Variants in TMEM74 observed in about 807,000 individuals in gnomAD.
The protein encoded by TMEM74 is transmembrane protein 74.
A neutral mutation model predicts 18.1 loss-of-function variants in TMEM74; 13 were observed. The ratio of observed to expected loss-of-function variants is 0.72; its 90% confidence interval spans 0.47 to 1.14. The LOEUF is 1.14. TMEM74 is among the 50% of genes most tolerant of loss of function. TMEM74 has a pLI of 0.00. For synonymous variants in TMEM74, 159 were observed against 146.6 expected, an observed-to-expected ratio of 1.08 and a Z score of -0.61; for missense variants, 372 against 375.9, an observed-to-expected ratio of 0.99 and a Z score of 0.09.
intron 1 of TMEM74, among the ~76,000 whole-genome samples, chr8:108,693,269 A>G (rs1415359105): frequency 6.6e-6 from 1 of 152,086 alleles, no homozygotes. Flanking sequence ...GGAGTAAGAA[A>G]GAAGTAAAAT....
At position 108,655,906 on chromosome 8, in the gene TMEM74, C is replaced by T. The variant is rs528443907; in HGVS notation, n.120-469G>A. 5.1e-4 allele frequency among the ~76,000 whole-genome samples: 78 copies of T among 152,212 alleles called. 1 individual carries two copies. The highest frequency in any genetic ancestry group is 1.9e-3 in the African/African-American group (77 of 41,526). ...GAAAGTATCATTATTGAGATAATAT[C>T]ATTTTGAGCATCCAGGATTTTGGAA... On this transcript the variant is annotated intron_variant and non_coding_transcript_variant, in intron 1 of 3. Coordinates refer to the TMEM74 transcript ENST00000518838.
intron 1 of TMEM74, among the ~76,000 whole-genome samples, chr8:108,709,230 A>G (rs1161612992): frequency 2.0e-5 from 3 of 152,204 alleles, no homozygotes; most frequent in African/African-American, 7.2e-5. Flanking sequence ...CTGCACTCCC[A>G]TGTTCATTGC....
intron 2 of TMEM74, among the ~76,000 whole-genome samples, chr8:108,641,873 C>G (rs1563738448): frequency 6.6e-6 from 1 of 152,042 alleles, no homozygotes; most frequent in Admixed American, 6.6e-5. Context: ...TTCATGTGAT[C>G]TCTTAGCTTC....
chr8:108,727,815 C>T (rs575559401), intron 1 of TMEM74, among the ~76,000 whole-genome samples: 1 of 152,100 alleles, frequency 6.6e-6, no homozygotes, highest in East Asian at 1.9e-4. Context: ...CATCAAAGAG[C>T]CTGGGAAGAA....
chr8:108,767,355 T>G lies in TMEM74; in HGVS notation n.119+20121A>C, dbSNP rs921232359. On this transcript the variant is annotated intron_variant and non_coding_transcript_variant, in intron 1 of 3. Transcript: ENST00000518838. ...CTCAAAAGATTTCTGGCCCCATTCCTTTAATTATCATCAAAAAGCAACCTA... is the reference window on the plus strand; with the variant it reads ...CTCAAAAGATTTCTGGCCCCATTCCGTTAATTATCATCAAAAAGCAACCTA... Among the ~76,000 whole-genome samples the G allele has an allele frequency of 2.6e-5, 4 of 152,210 alleles. No individual in the cohort carries two copies. The East Asian group carries it at 5.8e-4, about 22-fold the overall frequency.
chr8:108,738,308 T>C (rs1813768323), intron 1 of TMEM74, among the ~76,000 whole-genome samples: 1 of 152,172 alleles, frequency 6.6e-6, no homozygotes. Flanking sequence ...AAACAGTCCA[T>C]TTAGTGCAGA....
chr8:108,770,509 G>C (rs1814159732), intron 1 of TMEM74, among the ~76,000 whole-genome samples: 1 of 152,138 alleles, frequency 6.6e-6, no homozygotes, highest in South Asian at 2.1e-4. Flanking sequence ...GTACAGTTCA[G>C]CACAAATAAT....
chr8:108,764,074 T>G (rs958336400), intron 1 of TMEM74, among the ~76,000 whole-genome samples: 41 of 152,006 alleles, frequency 2.7e-4, no homozygotes, highest in African/African-American at 9.7e-4. Context: ...AAACTGCCAT[T>G]TCTACACATA....
intron 2 of TMEM74, among the ~76,000 whole-genome samples, chr8:108,614,035 G>GT (rs11393201): frequency 0.21 from 29,308 of 136,924 alleles, 2,933 homozygotes; most frequent in East Asian, 0.27. Context: ...TTTTCATAAG[G>GT]TTTTTTTTTT....
intron 2 of TMEM74, among the ~76,000 whole-genome samples, chr8:108,617,057 TC>T (rs1242282278): frequency 6.6e-6 from 1 of 151,812 alleles, no homozygotes; most frequent in African/African-American, 2.4e-5. Context: ...GAGGAGATGA[TC>T]TATTCTCGGC....
At chr8:108,692,309 T>G (rs1182418656) in intron 1 of TMEM74, among the ~76,000 whole-genome samples, 2 of 152,154 alleles carry the variant, frequency 1.3e-5, no homozygotes, top group Non-Finnish European at 2.9e-5. Flanking sequence ...GTCCTCAACA[T>G]CTAACTTCAG....
chr8:108,658,673 G>A (rs1017977670), intron 1 of TMEM74, among the ~76,000 whole-genome samples: 3 of 152,298 alleles, frequency 2.0e-5, no homozygotes, highest in East Asian at 1.9e-4. Flanking sequence ...TTGCAGCCAA[G>A]CAAATGCCAA....
At chr8:108,614,415 C>A (rs529264578) in intron 2 of TMEM74, among the ~76,000 whole-genome samples, 1 of 152,006 alleles carries the variant, frequency 6.6e-6, no homozygotes, top group Admixed American at 6.6e-5. Context: ...AGGAAATGTT[C>A]TAATAGTGGT....
At chr8:108,611,307 T>G (rs1812331599) in intron 2 of TMEM74, among the ~76,000 whole-genome samples, 1 of 152,120 alleles carries the variant, frequency 6.6e-6, no homozygotes, top group Non-Finnish European at 1.5e-5. Context: ...GATAAAGACT[T>G]TATAGGAGAC....
In TMEM74 at chr8:108,779,588, T is replaced by C. The variant is rs190831151; in HGVS notation, c.*4593A>G. On this transcript the variant is annotated 3_prime_UTR_variant, in exon 2 of 2. Coordinates refer to ENST00000297459, the MANE Select transcript of TMEM74 (RefSeq NM_153015.3). ...ACAACCAAAACAGGTTTATAATAAT[T>C]ATGGCATCTCATTCTGAGGCTGATT... Among the ~76,000 whole-genome samples the C allele has an allele frequency of 2.0e-5, 3 of 152,328 alleles. No homozygotes were observed. Among genetic ancestry groups the C allele is most frequent in the Admixed American group, 6.5e-5 (1 of 15,304 alleles).
intron 1 of TMEM74, among the ~76,000 whole-genome samples, chr8:108,671,640 G>T (rs1813006049): frequency 6.6e-6 from 1 of 152,124 alleles, no homozygotes; most frequent in African/African-American, 2.4e-5. Flanking sequence ...AGCTGGTGGG[G>T]TGGAGAGAGA....
chr8:108,623,500 T>G (rs1409678054), intron 2 of TMEM74, among the ~76,000 whole-genome samples: 1 of 152,122 alleles, frequency 6.6e-6, no homozygotes, highest in East Asian at 1.9e-4. Context: ...ATGTTGGCTG[T>G]GAATAGCCTT....
downstream of TMEM74, among the ~76,000 whole-genome samples, chr8:108,775,734 G>A (rs73311999): frequency 0.041 from 6,311 of 152,220 alleles, 324 homozygotes; most frequent in African/African-American, 0.12. Context: ...GTCAGCCTCT[G>A]TCTCTCCTAG....
intron 1 of TMEM74, among the ~76,000 whole-genome samples, chr8:108,683,087 T>C (rs907424039): frequency 9.2e-5 from 14 of 151,850 alleles, no homozygotes; most frequent in African/African-American, 3.4e-4. Context: ...TCTAAGAAGG[T>C]ATAAATTACT....
Sources: allele counts gnomAD v4.1 joint callset (sites outside exome capture counted in the v4.1 genomes callset), GRCh38; gene constraint gnomAD v4.1.1; transcripts MANE v1.5; gene names NCBI Gene and HGNC (gene_info 2026-07-23, HGNC 2026-07-21).